Variants in BCAR3 observed in about 807,000 individuals in gnomAD.
BCAR3 encodes the protein breast cancer anti-estrogen resistance protein 3.
A neutral mutation model predicts 80.1 loss-of-function variants in BCAR3; 37 were observed. The observed-to-expected ratio is 0.46, with a 90% confidence interval of 0.36 to 0.61. BCAR3 has a LOEUF of 0.61. BCAR3 is among the 20% of genes least tolerant of loss of function. The probability of loss-of-function intolerance (pLI) is 0.00; values close to 1 mark genes in which losing one functional copy is unlikely to be tolerated. For missense variants in BCAR3, 978 were observed against 1,068.2 expected (o/e 0.92, Z 1.18); for synonymous variants, 389 against 418.9 (o/e 0.93, Z 0.87).
At chr1:93,791,113 T>C (rs1482481786) in intron 2 of BCAR3, among the ~76,000 whole-genome samples, 1 of 83,124 alleles carries the variant, frequency 1.2e-5, no homozygotes. Flanking sequence ...GCAATAAACA[T>C]ACGTGTGCAT....
At chr1:93,753,297 C>T (rs983554871) in intron 2 of BCAR3, 2 of 152,186 alleles carry the variant, frequency 1.3e-5, no homozygotes, top group African/African-American at 2.4e-5. Flanking sequence ...AACTTCATAA[C>T]AGTGAAGAAT....
chr1:93,695,898 C>T (rs921185129), intron 3 of BCAR3, among the ~76,000 whole-genome samples: 2 of 152,212 alleles, frequency 1.3e-5, no homozygotes, highest in Non-Finnish European at 2.9e-5. Context: ...TGCTACCTCT[C>T]TGACAGTTTC....
At position 93,713,932 on chromosome 1, in the gene BCAR3, A is replaced by T. The variant is rs188775251; in HGVS notation, c.-62-7790T>A. Among the ~76,000 whole-genome samples the T allele has an allele frequency of 2.0e-5, 3 of 152,326 alleles. No homozygotes were observed. In the East Asian group the frequency reaches 5.8e-4, roughly 29 times the overall value. On this transcript the variant is annotated intron_variant, in intron 2 of 13. Coordinates refer to the BCAR3 transcript ENST00000370244. ...ATTTTCTGAGTACATGGGAATTCTA[A>T]AATGCAGGTGGGGGAGAGGCATTTA...
chr1:93,711,327 G>C (rs1267170634), intron 2 of BCAR3, among the ~76,000 whole-genome samples: 2 of 152,134 alleles, frequency 1.3e-5, no homozygotes, highest in African/African-American at 4.8e-5. Context: ...GGTCCAAATG[G>C]CCTCATTCAT....
Position 93,582,770 on chromosome 1 carries a change from T to C in BCAR3, c.1217A>G (p.Lys406Arg), listed in dbSNP as rs1377668912. Residue 406 changes from lysine to arginine, a missense_variant, in exon 7 of 12, where the codon AAG (lysine) becomes AGG (arginine). Lys to Arg is a conservative substitution (Grantham distance 26). Transcript: ENST00000260502. ...CTTGAGGAACGGCACCTTGCAGGGC[T>C]TAGGCGGGGGCTTAGGGCACAGTTG... ...DSQLCPKPPP[K>R]PCKVPFLKVP... The C allele has an allele frequency of 1.2e-6, 2 of 1,614,078 alleles. No homozygotes were observed. Among genetic ancestry groups the C allele is most frequent in the Non-Finnish European group, 1.7e-6 (2 of 1,180,008 alleles).
intron 2 of BCAR3, among the ~76,000 whole-genome samples, chr1:93,782,963 C>T (rs189622835): frequency 1.3e-5 from 2 of 152,216 alleles, no homozygotes; most frequent in Admixed American, 6.5e-5. Flanking sequence ...ACAAATCAAT[C>T]CTATAAACAT....
chr1:93,647,991 C>G (rs1557638972), intron 2 of BCAR3, among the ~76,000 whole-genome samples: 1 of 152,094 alleles, frequency 6.6e-6, no homozygotes, highest in Non-Finnish European at 1.5e-5. Flanking sequence ...CCAGGCTGGT[C>G]TTGAACTCCT....
chr1:93,707,256 T>A (rs1649858445), intron 2 of BCAR3, among the ~76,000 whole-genome samples: 1 of 152,090 alleles, frequency 6.6e-6, no homozygotes, highest in African/African-American at 2.4e-5. Flanking sequence ...TATATGCATT[T>A]AAAAAAATAC....
Position 93,593,229 on chromosome 1 carries a change from C to T in BCAR3, c.358-836G>A, listed in dbSNP as rs540548310. ...AAGACCAGGCATGCTGACCAGGAACCGCTTGCTGAAAGTCCCATGAACAGA... is the reference window on the plus strand; with the variant it reads ...AAGACCAGGCATGCTGACCAGGAACTGCTTGCTGAAAGTCCCATGAACAGA... On this transcript the variant is annotated intron_variant, in intron 3 of 11. Coordinates refer to ENST00000260502, the MANE Select transcript of BCAR3 (RefSeq NM_003567.4). 2.6e-4 allele frequency among the ~76,000 whole-genome samples: 40 copies of T among 152,278 alleles called. 1 individual carries two copies. The highest frequency in any genetic ancestry group is 1.4e-3 in the Admixed American group (21 of 15,308).
intron 2 of BCAR3, among the ~76,000 whole-genome samples, chr1:93,672,494 A>G (rs1275953418): frequency 6.6e-6 from 1 of 152,222 alleles, no homozygotes; most frequent in Non-Finnish European, 1.5e-5. Context: ...AAGCCAGCTA[A>G]CAGTTGGTTC....
At chr1:93,765,329 C>T (rs2100732704) in intron 2 of BCAR3, among the ~76,000 whole-genome samples, 1 of 152,306 alleles carries the variant, frequency 6.6e-6, no homozygotes, top group Middle Eastern at 3.4e-3. Flanking sequence ...TTCACAGCCT[C>T]ACAATCAAAT....
intron 2 of BCAR3, among the ~76,000 whole-genome samples, chr1:93,657,944 C>T (rs946469987): frequency 1.3e-5 from 2 of 151,236 alleles, no homozygotes; most frequent in Non-Finnish European, 2.9e-5. Context: ...TCGCTTGTTA[C>T]TGCTTCTTTT....
At chr1:93,751,545 T>C (rs1480883181) in intron 2 of BCAR3, among the ~76,000 whole-genome samples, 1 of 152,202 alleles carries the variant, frequency 6.6e-6, no homozygotes. Context: ...AACAGCCATG[T>C]AACTTCACCT....
chr1:93,687,783 A>G (rs1649028052), intron 3 of BCAR3, among the ~76,000 whole-genome samples: 1 of 152,216 alleles, frequency 6.6e-6, no homozygotes, highest in African/African-American at 2.4e-5. Context: ...TAACAGCACT[A>G]ATTAACAGGC....
chr1:93,720,213 C>T (rs1256672674), intron 2 of BCAR3: 1 of 152,240 alleles, frequency 6.6e-6, no homozygotes, highest in African/African-American at 2.4e-5. Flanking sequence ...TTAGGATGCT[C>T]TGGGTTGCCT....
chr1:93,664,967 G>A (rs1321063118), intron 2 of BCAR3, among the ~76,000 whole-genome samples: 1 of 150,484 alleles, frequency 6.6e-6, no homozygotes, highest in Non-Finnish European at 1.5e-5. Context: ...GAAAGAGTGT[G>A]TTTGTAAAGG....
intron 2 of BCAR3, among the ~76,000 whole-genome samples, chr1:93,765,849 T>C (rs1652129160): frequency 6.6e-6 from 1 of 152,004 alleles, no homozygotes; most frequent in African/African-American, 2.4e-5. Flanking sequence ...GTATTTTTAG[T>C]AGAGATGGGG....
chr1:93,658,562 G>A (rs1034600276), intron 2 of BCAR3, among the ~76,000 whole-genome samples: 1 of 152,142 alleles, frequency 6.6e-6, no homozygotes, highest in Admixed American at 6.5e-5. Context: ...TGAGATGAGA[G>A]AATTGTTTGA....
intron 3 of BCAR3, among the ~76,000 whole-genome samples, chr1:93,620,142 G>C (rs754688103): frequency 6.6e-6 from 1 of 152,128 alleles, no homozygotes; most frequent in Non-Finnish European, 1.5e-5. Context: ...CAGGAACCAC[G>C]CCTGTAGCCA....
Sources: gnomAD v4.1 joint callset for allele counts (sites outside exome capture counted in the v4.1 genomes callset) on GRCh38, gnomAD v4.1.1 for gene constraint, MANE v1.5 for transcripts, NCBI Gene and HGNC (gene_info 2026-07-23, HGNC 2026-07-21) for gene names.